CAP2: variants seen among roughly 807,000 people sequenced by gnomAD.
CAP2 encodes the protein adenylyl cyclase-associated protein 2.
A neutral mutation model predicts 57.7 loss-of-function variants in CAP2; 24 were observed. That is an observed-to-expected ratio of 0.42 (90% CI 0.30 to 0.58). The LOEUF (loss-of-function observed/expected upper bound fraction) is 0.58, where lower values mean the gene tolerates loss of function less well. CAP2 is among the 20% of genes least tolerant of loss of function. The probability of loss-of-function intolerance (pLI) is 0.22; values close to 1 mark genes in which losing one functional copy is unlikely to be tolerated. For missense variants in CAP2, 501 were observed against 590.3 expected, an observed-to-expected ratio of 0.85 and a Z score of 1.57; for synonymous variants, 194 against 207.2, an observed-to-expected ratio of 0.94 and a Z score of 0.55.
At chr6:17,516,151 G>T (rs575131132) in intron 7 of CAP2, among the ~76,000 whole-genome samples, 1 of 152,106 alleles carries the variant, frequency 6.6e-6, no homozygotes, top group African/African-American at 2.4e-5. Flanking sequence ...CCCCATCTGG[G>T]TTGACTGGCT....
intron 3 of CAP2, among the ~76,000 whole-genome samples, chr6:17,440,141 T>C (rs936370462): frequency 6.6e-6 from 1 of 151,650 alleles, no homozygotes; most frequent in Non-Finnish European, 1.5e-5. Context: ...TGAGTCTTCC[T>C]CTCCAAAATC....
At chr6:17,533,357 T>G (rs1263069664) in intron 7 of CAP2, among the ~76,000 whole-genome samples, 1 of 152,088 alleles carries the variant, frequency 6.6e-6, no homozygotes, top group Non-Finnish European at 1.5e-5. Flanking sequence ...ACAGCTGAAA[T>G]TAACTTAGAG....
At chr6:17,413,552 A>G (rs1002018851) in intron 1 of CAP2, among the ~76,000 whole-genome samples, 2 of 152,214 alleles carry the variant, frequency 1.3e-5, no homozygotes, top group African/African-American at 4.8e-5. Context: ...TGTGCCTAGT[A>G]GACAGTGGGA....
intron 7 of CAP2, among the ~76,000 whole-genome samples, chr6:17,534,000 A>G (rs1006852682): frequency 9.2e-5 from 14 of 152,164 alleles, no homozygotes; most frequent in African/African-American, 1.7e-4. Context: ...TTAAAAAAGC[A>G]TTTGTGTATG....
At chr6:17,474,335 G>A (rs1761096707) in intron 4 of CAP2, among the ~76,000 whole-genome samples, 1 of 151,804 alleles carries the variant, frequency 6.6e-6, no homozygotes, top group South Asian at 2.1e-4. Flanking sequence ...AAAAAAAATG[G>A]GCATGTCAGG....
At chr6:17,553,292 C>T (rs913925044) in intron 12 of CAP2, among the ~76,000 whole-genome samples, 6 of 152,140 alleles carry the variant, frequency 3.9e-5, no homozygotes, top group African/African-American at 7.2e-5. Flanking sequence ...TGAAATCCAC[C>T]GGCCTAAAGG....
intron 4 of CAP2, among the ~76,000 whole-genome samples, chr6:17,497,709 C>G (rs1761703707): frequency 6.6e-6 from 1 of 152,182 alleles, no homozygotes; most frequent in Admixed American, 6.5e-5. Context: ...AGAGCTTCCT[C>G]TGTCTCCCAT....
At chr6:17,550,788 C>T (rs1295076244) in intron 11 of CAP2, among the ~76,000 whole-genome samples, 1 of 152,098 alleles carries the variant, frequency 6.6e-6, no homozygotes, top group Non-Finnish European at 1.5e-5. Context: ...GAATCGCCTC[C>T]TCTTTTGTAT....
chr6:17,426,774 C>CTTTA, intron 3 of CAP2, 84 bp downstream of exon 3: 2 of 874,768 alleles, frequency 2.3e-6, no homozygotes, highest in Admixed American at 3.9e-5. Flanking sequence ...CTGAGGAGAT[C>CTTTA]TTTATTTATT....
At chr6:17,426,539 C>G (rs1315895025) in intron 2 of CAP2, 51 bp from the exon 3 acceptor site, 39 of 1,392,590 alleles carry the variant, frequency 2.8e-5, no homozygotes, top group Non-Finnish European at 3.9e-5. Flanking sequence ...CCGGCTAGTC[C>G]CAGGTTTTCA....
intron 7 of CAP2, among the ~76,000 whole-genome samples, chr6:17,526,492 C>T (rs965817897): frequency 6.6e-6 from 1 of 152,100 alleles, no homozygotes; most frequent in African/African-American, 2.4e-5. Flanking sequence ...ACCCATCAAC[C>T]GCCCACACCT....
chr6:17,488,004 G>T (rs562201796), intron 4 of CAP2, among the ~76,000 whole-genome samples: 1 of 151,708 alleles, frequency 6.6e-6, no homozygotes, highest in Non-Finnish European at 1.5e-5. Context: ...TGCCCAGGCT[G>T]ATCTCTAACT....
chr6:17,416,579 G>A (rs577343899), intron 1 of CAP2, among the ~76,000 whole-genome samples: 1 of 152,140 alleles, frequency 6.6e-6, no homozygotes, highest in Non-Finnish European at 1.5e-5. Context: ...AAGTAAACCC[G>A]TGTATTTTTG....
intron 2 of CAP2, 31 bp downstream of exon 2, chr6:17,421,707 C>G: frequency 6.2e-7 from 1 of 1,612,720 alleles, no homozygotes; most frequent in Non-Finnish European, 8.5e-7. Context: ...CATTCCTGGT[C>G]TTCTTGTGGG....
At chr6:17,493,455 T>C (rs1243088121) in intron 4 of CAP2, 1 of 295,820 alleles carries the variant, frequency 3.4e-6, no homozygotes, top group Non-Finnish European at 7.1e-6. Context: ...AACCACAGAC[T>C]GTACCCATAA....
chr6:17,420,217 A>G (rs139994996), intron 1 of CAP2, among the ~76,000 whole-genome samples: 1 of 152,156 alleles, frequency 6.6e-6, no homozygotes, highest in South Asian at 2.1e-4. Context: ...TTTAATCCCT[A>G]TTTATCCCAG....
chr6:17,547,085 C>G (rs934866777), intron 11 of CAP2, among the ~76,000 whole-genome samples: 2 of 152,118 alleles, frequency 1.3e-5, no homozygotes, highest in Admixed American at 1.3e-4. Context: ...TTCACAATTG[C>G]TTCAAAGAGA....
intron 5 of CAP2, 152 bp downstream of exon 5, chr6:17,507,464 C>G: frequency 1.1e-6 from 1 of 918,234 alleles, no homozygotes. Flanking sequence ...GTTTAAAGTT[C>G]AAGCTTTCTG....
chr6:17,543,762 T>G (rs1195712214), intron 11 of CAP2, among the ~76,000 whole-genome samples: 2 of 152,168 alleles, frequency 1.3e-5, no homozygotes, highest in East Asian at 3.9e-4. Flanking sequence ...GTGTTAGTTC[T>G]TTCTTTTCAA....
Sources: allele counts gnomAD v4.1 joint callset (sites outside exome capture counted in the v4.1 genomes callset), GRCh38; gene constraint gnomAD v4.1.1; transcripts MANE v1.5; gene names NCBI Gene and HGNC (gene_info 2026-07-23, HGNC 2026-07-21).